The following SELENOT variants were observed in gnomAD, a reference collection of about 807,000 sequenced individuals.
SELENOT encodes the protein thioredoxin reductase-like selenoprotein T.
SELENOT carries 9 observed loss-of-function variants against 24.3 expected under a neutral mutation model. The ratio of observed to expected loss-of-function variants is 0.37; its 90% CI spans 0.22 to 0.65. The LOEUF is 0.65. SELENOT is among the 30% of genes least tolerant of loss of function. The pLI, the probability that SELENOT is intolerant of heterozygous loss-of-function variation, is 0.60. For missense variants in SELENOT, 166 were observed against 247.6 expected (o/e 0.67, Z 2.21); for synonymous variants, 81 against 86.0 (o/e 0.94, Z 0.32).
At chr3:150,615,424 C>A (rs924268116) in intron 1 of SELENOT, among the ~76,000 whole-genome samples, 6 of 146,184 alleles carry the variant, frequency 4.1e-5, no homozygotes, top group African/African-American at 1.0e-4. Flanking sequence ...AGTTCTAGAT[C>A]CCTGAGGAAT....
At chr3:150,617,352 G>A (rs1237908235) in intron 1 of SELENOT, among the ~76,000 whole-genome samples, 2 of 152,160 alleles carry the variant, frequency 1.3e-5, no homozygotes, top group African/African-American at 4.8e-5. Context: ...TATAATCCTA[G>A]CACTTTGGGA....
intron 1 of SELENOT, among the ~76,000 whole-genome samples, chr3:150,608,085 AG>A (rs1445835669): frequency 1.3e-5 from 2 of 152,150 alleles, no homozygotes; most frequent in Non-Finnish European, 2.9e-5. Flanking sequence ...GGTGGCATGA[AG>A]TGAGAGATGT....
At position 150,628,412 on chromosome 3, in the gene SELENOT, C is replaced by T. The variant is rs1197860997; in HGVS notation, c.*783C>T. ...AAGTTTCAATTTATTGCTCAGTGTA[C>T]CTGTTAACATTATATTTAACAATTG... On this transcript the variant is annotated 3_prime_UTR_variant, in exon 6 of 6. Coordinates refer to ENST00000471696, the MANE Select transcript of SELENOT (RefSeq NM_016275.5). 2 of 152,466 alleles carry T rather than the reference C, an allele frequency of 1.3e-5. No homozygotes were observed. The highest frequency in any genetic ancestry group is 6.6e-5 in the Admixed American group (1 of 15,266). 9.4% of individuals were successfully genotyped at this position (152,466 alleles called of 1,614,324 possible). A position where few individuals can be genotyped will look rare whatever the true frequency, so the allele number is the denominator to read the frequency against.
At chr3:150,617,254 A>G (rs1726238026) in intron 1 of SELENOT, among the ~76,000 whole-genome samples, 1 of 152,154 alleles carries the variant, frequency 6.6e-6, no homozygotes, top group Admixed American at 6.5e-5. Context: ...AACTAGTCTT[A>G]AATCTTTTCT....
At chr3:150,611,937 C>T (rs1204577399) in intron 1 of SELENOT, 27 of 846,210 alleles carry the variant, frequency 3.2e-5, no homozygotes, top group African/African-American at 1.8e-5. Flanking sequence ...GCCGCTCCGT[C>T]GGCGGCAGTT....
At chr3:150,620,861 T>C (rs148092192) in intron 1 of SELENOT, among the ~76,000 whole-genome samples, 13 of 152,358 alleles carry the variant, frequency 8.5e-5, no homozygotes, top group African/African-American at 2.4e-4. Context: ...CATTTTTTTA[T>C]ATTTGCCTTT....
rs879016024 is a variant in SELENOT at position 150,629,166 on chromosome 3, G to T, written c.*1537G>T. On this transcript the variant is annotated 3_prime_UTR_variant, in exon 6 of 6. Coordinates refer to ENST00000471696, the MANE Select transcript of SELENOT (RefSeq NM_016275.5). ...ATTTGTTGAATGCATGTCAGGTAAT[G>T]GTCTTGATTGTGATAGCTTCAAGGT... The T allele has an allele frequency of 6.6e-6, 1 of 152,126 alleles. No homozygotes were observed. Among genetic ancestry groups the T allele is most frequent in the Non-Finnish European group, 1.5e-5 (1 of 68,002 alleles). 9.4% of individuals were successfully genotyped at this position (152,126 alleles called of 1,614,324 possible). A position where few individuals can be genotyped will look rare whatever the true frequency, so the allele number is the denominator to read the frequency against.
At chr3:150,618,926 T>C (rs1258595012) in intron 1 of SELENOT, 1 of 152,246 alleles carries the variant, frequency 6.6e-6, no homozygotes, top group East Asian at 1.9e-4. Flanking sequence ...GATCATCTAA[T>C]ATGTAAGCAA....
At chr3:150,621,171 C>T (rs191780543) in intron 1 of SELENOT, among the ~76,000 whole-genome samples, 21 of 151,990 alleles carry the variant, frequency 1.4e-4, no homozygotes, top group Admixed American at 9.2e-4. Context: ...TATCTCTTTG[C>T]GAAATATTTA....
At chr3:150,615,962 A>G (rs1366283354) in intron 1 of SELENOT, among the ~76,000 whole-genome samples, 2 of 151,978 alleles carry the variant, frequency 1.3e-5, no homozygotes, top group African/African-American at 2.4e-5. Flanking sequence ...CTACAAGGCT[A>G]CAGTAACCAA....
intron 1 of SELENOT, among the ~76,000 whole-genome samples, chr3:150,612,998 C>T (rs748907890): frequency 1.3e-5 from 2 of 152,196 alleles, no homozygotes; most frequent in Non-Finnish European, 2.9e-5. Flanking sequence ...GTTCTTGGCA[C>T]TATTCACATT....
intron 3 of SELENOT, among the ~76,000 whole-genome samples, chr3:150,624,016 G>A (rs1013040929): frequency 6.6e-6 from 1 of 151,906 alleles, no homozygotes; most frequent in Non-Finnish European, 1.5e-5. Context: ...TTTCTTTCCA[G>A]TAACAGGCAG....
chr3:150,622,422 A>C lies in SELENOT; in HGVS notation c.175A>C (p.Met59Leu). The change falls in exon 2 of 6, where the codon ATG becomes CTG. Residue 59 changes from methionine to leucine, a missense_variant. Physicochemically the swap from Met to Leu is conservative, Grantham distance 15. This residue lies in a region of SELENOT where 71 missense variants were observed against 89.2 expected (regional missense o/e 0.80). Transcript: ENST00000471696. Reference protein sequence around the residue: ...UGYRRVFEEYMRVISQRYPDI... With the variant: ...UGYRRVFEEYLRVISQRYPDI... ...TTATAGGCGGGTGTTTGAGGAGTAC[A>C]TGCGGGTTATTAGCCAGCGGTACCC... The C allele has an allele frequency of 2.0e-6, 3 of 1,497,996 alleles. No individual in the cohort carries two copies. Among genetic ancestry groups the C allele is most frequent in the Non-Finnish European group, 2.7e-6 (3 of 1,114,658 alleles). The allele number at this position is 1,497,996 out of a possible 1,614,324, so 92.8% of individuals were successfully genotyped here. A position where few individuals can be genotyped will look rare whatever the true frequency, so the allele number is the denominator to read the frequency against.
rs144471396 is a variant in SELENOT, at chr3:150,623,987, T to G, written c.375+818T>G. Among the ~76,000 whole-genome samples, 223 of 152,252 alleles carry G rather than the reference T, an allele frequency of 1.5e-3. 2 individuals carry two copies. The highest frequency in any genetic ancestry group is 6.9e-4 in the Non-Finnish European group (47 of 67,952). On this transcript the variant is annotated intron_variant, in intron 3 of 5. Transcript: ENST00000471696. ...TAGCAGACTCCTGCATAGCTGTGCT[T>G]CTTTTTCTTTGGGAACCATTTCTTT...
rs1229655749 is a variant in SELENOT at position 150,629,085 on chromosome 3, G to A, written c.*1456G>A. ...CATTGAGTCCACTTAACACTTAGGT[G>A]TTAGAAGACCTAACTTTCTGTAACA... On this transcript the variant is annotated 3_prime_UTR_variant, in exon 6 of 6. Coordinates refer to ENST00000471696, the MANE Select transcript of SELENOT (RefSeq NM_016275.5). The A allele has an allele frequency of 6.6e-6, 1 of 152,188 alleles. No homozygotes were observed. Among genetic ancestry groups the A allele is most frequent in the Non-Finnish European group, 1.5e-5 (1 of 68,038 alleles). The allele number at this position is 152,188 out of a possible 1,614,324, so 9.4% of individuals were successfully genotyped here.
chr3:150,615,413 T>C (rs917139416), intron 1 of SELENOT, among the ~76,000 whole-genome samples: 3 of 151,832 alleles, frequency 2.0e-5, no homozygotes, highest in African/African-American at 7.2e-5. Context: ...ATGGTATTTC[T>C]AGTTCTAGAT....
At chr3:150,625,004 A>G (rs1726411715) in intron 4 of SELENOT, 105 bp downstream of exon 4, 1 of 532,360 alleles carries the variant, frequency 1.9e-6, no homozygotes, top group Admixed American at 4.3e-5. Flanking sequence ...GTGTTTGTAT[A>G]AAAGTAAGTT....
At chr3:150,611,603 T>C (rs1726093610) in intron 1 of SELENOT, 2 of 1,420,686 alleles carry the variant, frequency 1.4e-6, no homozygotes, top group Admixed American at 3.3e-5. Flanking sequence ...TAAAGATGCC[T>C]GCGCTCTTAT....
chr3:150,603,725 G>C (rs1354308489), intron 1 of SELENOT: 3 of 421,510 alleles, frequency 7.1e-6, no homozygotes, highest in East Asian at 7.9e-5. Context: ...CTAGAACAGT[G>C]GGAATGGGGA....
Sources: allele counts gnomAD v4.1 joint callset (sites outside exome capture counted in the v4.1 genomes callset), GRCh38; gene constraint gnomAD v4.1.1; regional missense constraint gnomAD v4.1.1; transcripts MANE v1.5; gene names NCBI Gene and HGNC (gene_info 2026-07-23, HGNC 2026-07-21).